Variants in SLC1A3 observed in about 807,000 individuals in gnomAD.
The protein encoded by SLC1A3 is excitatory amino acid transporter 1.
SLC1A3 carries 21 observed loss-of-function variants against 48.1 expected under a neutral mutation model. The ratio of observed to expected loss-of-function variants is 0.44; its 90% CI spans 0.31 to 0.63. The LOEUF is 0.63. SLC1A3 is among the 20% of genes least tolerant of loss of function. The probability of loss-of-function intolerance (pLI) is 0.08; values close to 1 mark genes in which losing one functional copy is unlikely to be tolerated. For synonymous variants in SLC1A3, 239 were observed against 251.4 expected (o/e 0.95, Z 0.47); for missense variants, 546 against 689.0 (o/e 0.79, Z 2.32).
intron 3 of SLC1A3, among the ~76,000 whole-genome samples, chr5:36,657,903 G>A (rs1741346200): frequency 6.6e-6 from 1 of 152,202 alleles, no homozygotes. Flanking sequence ...CACTGCATTG[G>A]GAATAATTTG....
chr5:36,632,313 T>A (rs1740165769), intron 3 of SLC1A3, among the ~76,000 whole-genome samples: 1 of 152,230 alleles, frequency 6.6e-6, no homozygotes, highest in Admixed American at 6.5e-5. Flanking sequence ...AGTACACCCA[T>A]TCCAATGTAA....
At chr5:36,621,588 G>A (rs1042403296) in intron 2 of SLC1A3, among the ~76,000 whole-genome samples, 1 of 152,210 alleles carries the variant, frequency 6.6e-6, no homozygotes, top group African/African-American at 2.4e-5. Context: ...CAGCCAATAA[G>A]GAGGGTGACT....
Position 36,679,751 on chromosome 5 carries a change from G to A in SLC1A3, c.985G>A (p.Ala329Thr), listed in dbSNP as rs200243548. The A allele has an allele frequency of 1.4e-4, 221 of 1,614,052 alleles. No individual in the cohort carries two copies. The East Asian group carries it at 3.3e-3, about 24-fold the overall frequency. The change falls in exon 7 of 10, where the codon GCA (alanine) becomes ACA (threonine). Residue 329 changes from alanine to threonine, a missense_variant. Physicochemically the swap from Ala to Thr is moderately conservative, Grantham distance 58 (BLOSUM62 0). Transcript: ENST00000265113. ...VTVIVGLLIH[A>T]VIVLPLLYFL... ...TGTCATTGTTGGCTTACTCATTCACGCAGTCATCGTCTTGCCACTCCTCTA... is the reference window on the plus strand; with the variant it reads ...TGTCATTGTTGGCTTACTCATTCACACAGTCATCGTCTTGCCACTCCTCTA...
intron 2 of SLC1A3, among the ~76,000 whole-genome samples, chr5:36,624,543 A>T (rs1032604547): frequency 6.6e-6 from 1 of 152,214 alleles, no homozygotes; most frequent in Non-Finnish European, 1.5e-5. Context: ...AGATGTGGAT[A>T]ACAATAATAG....
rs1375031515 is a variant in SLC1A3, at chr5:36,660,427, A to G, written c.320-10602A>G. Among the ~76,000 whole-genome samples, 3 of 152,358 alleles carry G rather than the reference A, an allele frequency of 2.0e-5. No homozygotes were observed. The East Asian group carries it at 5.8e-4, about 29-fold the overall frequency. ...AAACTATGCACGTAAGTATTACAAA[A>G]CTAAAGTAGAATGTGCAGAAACAAC... On this transcript the variant is annotated intron_variant, in intron 3 of 9. Transcript: ENST00000265113.
chr5:36,646,482 T>C (rs1200149792), intron 3 of SLC1A3, among the ~76,000 whole-genome samples: 2 of 152,238 alleles, frequency 1.3e-5, no homozygotes, highest in East Asian at 1.9e-4. Context: ...CCCACTGTAG[T>C]TGGACAAAAC....
At position 36,645,319 on chromosome 5, in the gene SLC1A3, C is replaced by CTTTTTTTTTTTTTTTTTTTTTTT. The variant is rs68027582; in HGVS notation, c.319+15739_319+15761dup. Among the ~76,000 whole-genome samples the CTTTTTTTTTTTTTTTTTTTTTTT allele has an allele frequency of 9.5e-5, 8 of 84,272 alleles. 4 individuals are homozygous for CTTTTTTTTTTTTTTTTTTTTTTT. Among genetic ancestry groups the CTTTTTTTTTTTTTTTTTTTTTTT allele is most frequent in the Non-Finnish European group, 4.7e-5 (2 of 42,786 alleles). The allele number at this position is 84,272 out of a possible 152,430, so 55.3% of individuals were successfully genotyped here. A position where few individuals can be genotyped will look rare whatever the true frequency, so the allele number is the denominator to read the frequency against. On this transcript the variant is annotated intron_variant, in intron 3 of 9. Coordinates refer to ENST00000265113, the MANE Select transcript of SLC1A3 (RefSeq NM_004172.5). Reference sequence around the variant, plus strand: ...ATCTTTGAGGACTGACTTCCGCTGCCTTTTTTTTTTTTTTTTTTTTTTTTT... The same window carrying CTTTTTTTTTTTTTTTTTTTTTTT: ...ATCTTTGAGGACTGACTTCCGCTGCCTTTTTTTTTTTTTTTTTTTTTTTTTTTTTTTTTTTTTTTTTTTTTTTT...
intron 3 of SLC1A3, among the ~76,000 whole-genome samples, chr5:36,646,747 A>T (rs1224113852): frequency 6.6e-6 from 1 of 152,228 alleles, no homozygotes; most frequent in Admixed American, 6.5e-5. Context: ...TTGCGGTGTC[A>T]TATTTGTGGT....
rs191360152 is a variant in SLC1A3 at position 36,648,168 on chromosome 5, A to G, written c.319+18581A>G. 1.4e-4 allele frequency among the ~76,000 whole-genome samples: 21 copies of G among 152,316 alleles called. No homozygotes were observed. The East Asian group carries it at 3.9e-3, about 28-fold the overall frequency. ...TATTCTAAATACCTTGCCATTATTAAGAGTTTTTTTATGATTATACTGTCT... is the reference window on the plus strand; with the variant it reads ...TATTCTAAATACCTTGCCATTATTAGGAGTTTTTTTATGATTATACTGTCT... On this transcript the variant is annotated intron_variant, in intron 3 of 9. Coordinates refer to ENST00000265113, the MANE Select transcript of SLC1A3 (RefSeq NM_004172.5).
intron 1 of SLC1A3, among the ~76,000 whole-genome samples, chr5:36,597,068 A>G (rs1738749746): frequency 6.6e-6 from 1 of 151,774 alleles, no homozygotes. Flanking sequence ...TTTTTGGCTC[A>G]TGGAGATTGG....
At chr5:36,680,689 G>T in intron 8 of SLC1A3, 100 bp downstream of exon 8, 1 of 978,492 alleles carries the variant, frequency 1.0e-6, no homozygotes, top group East Asian at 2.4e-5. Flanking sequence ...AGGCCAAGGC[G>T]GGTGGATCTC....
In SLC1A3 at chr5:36,608,452, A is replaced by G. The variant is rs1739050855; in HGVS notation, c.29A>G (p.Lys10Arg). The change falls in exon 2 of 10, where the codon AAG becomes AGG. Residue 10 changes from lysine to arginine, a missense_variant. Physicochemically the swap from Lys to Arg is conservative, Grantham distance 26 (BLOSUM62 2). Coordinates refer to ENST00000265113, the MANE Select transcript of SLC1A3 (RefSeq NM_004172.5). MTKSNGEEP[K>R]MGGRMERFQQ... ...ACTAAAAGCAATGGAGAAGAGCCCA[A>G]GATGGGGGGCAGGATGGAGAGATTC... 1 of 1,613,970 alleles carries G rather than the reference A, an allele frequency of 6.2e-7. No homozygotes were observed. The highest frequency in any genetic ancestry group is 1.7e-5 in the Admixed American group (1 of 59,996).
chr5:36,642,998 C>G (rs1046077599), intron 3 of SLC1A3, among the ~76,000 whole-genome samples: 2 of 152,114 alleles, frequency 1.3e-5, no homozygotes, highest in African/African-American at 4.8e-5. Context: ...ATATAATGAA[C>G]ATATCACATG....
At chr5:36,646,365 T>A (rs1320880886) in intron 3 of SLC1A3, among the ~76,000 whole-genome samples, 1 of 152,256 alleles carries the variant, frequency 6.6e-6, no homozygotes. Context: ...TTATCTTTTC[T>A]GTGTTGAAAT....
intron 3 of SLC1A3, among the ~76,000 whole-genome samples, chr5:36,644,840 C>A (rs1209765398): frequency 6.6e-6 from 1 of 152,154 alleles, no homozygotes; most frequent in African/African-American, 2.4e-5. Flanking sequence ...TCAAGACATT[C>A]CTCAGCCGCC....
Position 36,676,956 on chromosome 5 carries a change from G to T in SLC1A3, c.632G>T (p.Gly211Val). 1 of 1,614,030 alleles carries T rather than the reference G, an allele frequency of 6.2e-7. No homozygotes were observed. Among genetic ancestry groups the T allele is most frequent in the Non-Finnish European group, 8.5e-7 (1 of 1,179,920 alleles). ...VPIQANETLV[G>V]AVINNVSEAM... Reference sequence around the variant, plus strand: ...ATCCAGGCCAACGAAACGCTTGTGGGTGCTGTGATAAACAATGTGTCTGAG... The same window carrying T: ...ATCCAGGCCAACGAAACGCTTGTGGTTGCTGTGATAAACAATGTGTCTGAG... Residue 211 changes from glycine to valine, a missense_variant, in exon 6 of 10, where the codon GGT (glycine) becomes GTT (valine). Physicochemically the swap from Gly to Val is moderately radical, Grantham distance 109 (BLOSUM62 -3). Around this residue, in one of 3 missense-constraint regions of SLC1A3, gnomAD observed 348 missense variants for 392.0 expected, o/e 0.89. Transcript: ENST00000265113.
At chr5:36,610,198 C>G (rs1739135163) in intron 2 of SLC1A3, among the ~76,000 whole-genome samples, 1 of 152,184 alleles carries the variant, frequency 6.6e-6, no homozygotes, top group South Asian at 2.1e-4. Flanking sequence ...TATTCTTCCT[C>G]TGCTCTGCTG....
intron 2 of SLC1A3, among the ~76,000 whole-genome samples, chr5:36,622,093 G>C (rs1739699224): frequency 6.9e-6 from 1 of 145,842 alleles, no homozygotes; most frequent in African/African-American, 2.4e-5. Context: ...TGGACATCCT[G>C]GTCCCCTTTC....
intron 9 of SLC1A3, among the ~76,000 whole-genome samples, chr5:36,685,354 G>A (rs1742601623): frequency 6.6e-6 from 1 of 152,170 alleles, no homozygotes; most frequent in Non-Finnish European, 1.5e-5. Flanking sequence ...TTGGCTCACT[G>A]CAACCTCCGC....
Sources: allele counts gnomAD v4.1 joint callset (sites outside exome capture counted in the v4.1 genomes callset), GRCh38; gene constraint gnomAD v4.1.1; regional missense constraint gnomAD v4.1.1; transcripts MANE v1.5; gene names NCBI Gene and HGNC (gene_info 2026-07-23, HGNC 2026-07-21).